FHOD3: variants seen among roughly 807,000 people sequenced by gnomAD.
The protein encoded by FHOD3 is FH1/FH2 domain-containing protein 3.
A neutral mutation model predicts 173.0 loss-of-function variants in FHOD3; 90 were observed. That is an observed-to-expected ratio of 0.52 (90% confidence interval 0.44 to 0.62). The LOEUF (loss-of-function observed/expected upper bound fraction) is 0.62. Ranked by LOEUF, FHOD3 falls within the 20% of genes least tolerant of loss-of-function variation. The pLI is 0.00. For missense variants in FHOD3, 1,945 were observed against 2,034.7 expected (o/e 0.96, Z 0.85); for synonymous variants, 828 against 823.0 (o/e 1.01, Z -0.10).
chr18:36,630,043 C>T (rs920614189), intron 10 of FHOD3, among the ~76,000 whole-genome samples: 8 of 151,992 alleles, frequency 5.3e-5, no homozygotes, highest in Admixed American at 6.5e-5. Flanking sequence ...CTGAGAAATT[C>T]TGCCTTAGGG....
intron 3 of FHOD3, among the ~76,000 whole-genome samples, chr18:36,480,960 A>T (rs1486481699): frequency 7.1e-6 from 1 of 140,120 alleles, no homozygotes. Context: ...AACTCAGGCC[A>T]TTTCCAACCA....
chr18:36,639,612 GA>G (rs1038803720), intron 10 of FHOD3, among the ~76,000 whole-genome samples: 2 of 150,724 alleles, frequency 1.3e-5, no homozygotes, highest in African/African-American at 4.9e-5. Context: ...GCAGTGAGCG[GA>G]GATCGTGCCA....
chr18:36,382,071 C>T (rs550517662), intron 3 of FHOD3, among the ~76,000 whole-genome samples: 7 of 152,236 alleles, frequency 4.6e-5, no homozygotes, highest in South Asian at 2.1e-4. Context: ...CCCAGGTCTC[C>T]GGGAGGTTGG....
At chr18:36,464,102 C>T (rs559877059) in intron 3 of FHOD3, among the ~76,000 whole-genome samples, 1 of 152,262 alleles carries the variant, frequency 6.6e-6, no homozygotes, top group Admixed American at 6.5e-5. Context: ...CCTTATGCTT[C>T]CAATAGCTGA....
chr18:36,747,507 C>T (rs746815452), intron 24 of FHOD3, among the ~76,000 whole-genome samples: 3 of 152,198 alleles, frequency 2.0e-5, no homozygotes, highest in Non-Finnish European at 4.4e-5. Context: ...AGAAAAGTTC[C>T]TCCTTTACCT....
intron 3 of FHOD3, among the ~76,000 whole-genome samples, chr18:36,393,769 A>T (rs1376937328): frequency 6.6e-6 from 1 of 152,208 alleles, no homozygotes; most frequent in East Asian, 1.9e-4. Context: ...GATTGGGGCC[A>T]GAAGGCTTCC....
intron 1 of FHOD3, among the ~76,000 whole-genome samples, chr18:36,313,643 A>G (rs555461061): frequency 6.6e-6 from 1 of 152,192 alleles, no homozygotes; most frequent in South Asian, 2.1e-4. Flanking sequence ...CCTGGTATGG[A>G]TATCCCACAG....
intron 3 of FHOD3, among the ~76,000 whole-genome samples, chr18:36,479,940 A>G (rs1190324466): frequency 6.6e-6 from 1 of 152,246 alleles, no homozygotes; most frequent in East Asian, 1.9e-4. Context: ...GGGCAGAATC[A>G]GAAGCAAATT....
chr18:36,534,822 C>T (rs2056928729), intron 5 of FHOD3, among the ~76,000 whole-genome samples: 1 of 152,174 alleles, frequency 6.6e-6, no homozygotes, highest in Non-Finnish European at 1.5e-5. Flanking sequence ...AGCTTGTTTT[C>T]CTGGTGCTAA....
At chr18:36,310,574 T>C (rs1348545366) in intron 1 of FHOD3, among the ~76,000 whole-genome samples, 2 of 151,476 alleles carry the variant, frequency 1.3e-5, no homozygotes, top group Admixed American at 1.3e-4. Flanking sequence ...GTAATTCCAA[T>C]TACTCAGGAG....
intron 14 of FHOD3, among the ~76,000 whole-genome samples, chr18:36,673,596 A>G (rs1361023951): frequency 6.6e-6 from 1 of 152,138 alleles, no homozygotes; most frequent in East Asian, 1.9e-4. Context: ...AGGGAGAGGC[A>G]CAAAGAAATG....
chr18:36,304,944 C>T (rs575507468), intron 1 of FHOD3, among the ~76,000 whole-genome samples: 12 of 152,254 alleles, frequency 7.9e-5, no homozygotes, highest in Non-Finnish European at 1.5e-4. Context: ...GCTCTGCGTC[C>T]GCCTTCAGTA....
chr18:36,703,060 G>A (rs1451784631), intron 17 of FHOD3, among the ~76,000 whole-genome samples: 2 of 152,188 alleles, frequency 1.3e-5, no homozygotes, highest in Admixed American at 6.5e-5. Flanking sequence ...GGTATAGGGA[G>A]GTCATGGGAC....
chr18:36,307,153 G>C (rs1300848152), intron 1 of FHOD3, among the ~76,000 whole-genome samples: 1 of 151,990 alleles, frequency 6.6e-6, no homozygotes, highest in East Asian at 1.9e-4. Context: ...TAGTAGAGAT[G>C]GGGTTTCACC....
intron 3 of FHOD3, among the ~76,000 whole-genome samples, chr18:36,474,517 A>G (rs1320304992): frequency 2.0e-5 from 3 of 152,162 alleles, no homozygotes. Context: ...ACTGAGGGCT[A>G]GAGCTGTTTC....
intron 18 of FHOD3, among the ~76,000 whole-genome samples, chr18:36,713,274 G>A (rs1600371029): frequency 6.6e-6 from 1 of 152,338 alleles, no homozygotes. Flanking sequence ...ATAACATCAT[G>A]TGATGTAGTG....
chr18:36,633,667 C>A (rs2034673175), intron 10 of FHOD3, among the ~76,000 whole-genome samples: 1 of 152,304 alleles, frequency 6.6e-6, no homozygotes, highest in African/African-American at 2.4e-5. Context: ...CACTCAGAAC[C>A]TAACATACCT....
Position 36,401,589 on chromosome 18 carries a change from C to T in FHOD3, c.337+28845C>T, listed in dbSNP as rs56230230. Among the ~76,000 whole-genome samples, 812 of 152,288 alleles carry T rather than the reference C, an allele frequency of 5.3e-3. 10 individuals are homozygous for T. The highest frequency in any genetic ancestry group is 0.018 in the African/African-American group (765 of 41,550). On this transcript the variant is annotated intron_variant, in intron 3 of 28. Coordinates refer to ENST00000590592, the MANE Select transcript of FHOD3 (RefSeq NM_001281740.3). ...ATCTTGCTCTGTGTATCAGCTCCAG[C>T]CAGTATGTGGCTTTGGTTGGGTTAC...
At chr18:36,403,914 A>T (rs1166371761) in intron 3 of FHOD3, among the ~76,000 whole-genome samples, 1 of 152,204 alleles carries the variant, frequency 6.6e-6, no homozygotes, top group African/African-American at 2.4e-5. Context: ...CCACTGAGCT[A>T]AGGCAAGCCC....
Sources: gnomAD v4.1 joint callset for allele counts (sites outside exome capture counted in the v4.1 genomes callset) on GRCh38, gnomAD v4.1.1 for gene constraint, MANE v1.5 for transcripts, NCBI Gene and HGNC (gene_info 2026-07-23, HGNC 2026-07-21) for gene names.